Variants in DNMT3B observed in about 807,000 individuals in gnomAD.
DNMT3B encodes DNA methyltransferase 3 beta.
In DNMT3B, 37 loss-of-function variants were observed where a neutral mutation model predicts 120.2. That is an observed-to-expected ratio of 0.31 (90% CI 0.24 to 0.40). The LOEUF is 0.40. DNMT3B is among the 10% of genes least tolerant of loss of function. The probability of loss-of-function intolerance (pLI) is 1.00; values close to 1 mark genes in which losing one functional copy is unlikely to be tolerated. For missense variants in DNMT3B, 878 were observed against 1,137.3 expected, an observed-to-expected ratio of 0.77 and a Z score of 3.28; for synonymous variants, 412 against 442.8, an observed-to-expected ratio of 0.93 and a Z score of 0.87.
intron 8 of DNMT3B, among the ~76,000 whole-genome samples, chr20:32,792,059 A>G (rs1980032384): frequency 1.3e-5 from 2 of 152,254 alleles, no homozygotes; most frequent in Non-Finnish European, 2.9e-5. Flanking sequence ...GCTGTCTTCT[A>G]TCTGTGGGCC....
chr20:32,785,917 T>C (rs372007209), intron 4 of DNMT3B, among the ~76,000 whole-genome samples: 1 of 152,062 alleles, frequency 6.6e-6, no homozygotes, highest in African/African-American at 2.4e-5. Flanking sequence ...GCAGTCTCAC[T>C]GTGTTGCCCA....
chr20:32,796,574 C>T (rs1182285242), intron 12 of DNMT3B, among the ~76,000 whole-genome samples: 1 of 152,180 alleles, frequency 6.6e-6, no homozygotes, highest in Non-Finnish European at 1.5e-5. Flanking sequence ...ACTGGGGCAG[C>T]CCCTTGCCCA....
intron 18 of DNMT3B, 45 bp downstream of exon 18, chr20:32,800,970 C>T (rs1456875512): frequency 6.2e-7 from 1 of 1,607,180 alleles, no homozygotes; most frequent in Non-Finnish European, 8.5e-7. Context: ...CCTATGTCAC[C>T]TGACCACTGG....
intron 5 of DNMT3B, 106 bp downstream of exon 5, chr20:32,786,733 T>C (rs1431819310): frequency 2.6e-6 from 4 of 1,563,362 alleles, no homozygotes; most frequent in African/African-American, 1.3e-5. Flanking sequence ...GTGTCCTTTT[T>C]TCACACTGCT....
chr20:32,805,257 C>A, intron 20 of DNMT3B, 81 bp from the exon 21 acceptor site: 1 of 1,538,478 alleles, frequency 6.5e-7, no homozygotes, highest in Non-Finnish European at 9.0e-7. Flanking sequence ...ATCTCTGCAA[C>A]ATAGACCCTC....
chr20:32,776,615 G>A (rs1988084498), intron 1 of DNMT3B, among the ~76,000 whole-genome samples: 1 of 152,086 alleles, frequency 6.6e-6, no homozygotes, highest in Non-Finnish European at 1.5e-5. Flanking sequence ...CTCTGTCTTG[G>A]TTTCTCCATC....
intron 1 of DNMT3B, among the ~76,000 whole-genome samples, chr20:32,772,479 G>A (rs922879863): frequency 6.6e-5 from 10 of 152,196 alleles, no homozygotes. Context: ...CTTGGGAGGG[G>A]ACAGGGCTGT....
chr20:32,787,233 C>G lies in DNMT3B; in HGVS notation c.436C>G (p.Leu146Val). 1.2e-6 allele frequency: 2 copies of G among 1,614,266 alleles called. No individual in the cohort carries two copies. The highest frequency in any genetic ancestry group is 1.7e-6 in the Non-Finnish European group (2 of 1,180,054). ...CTATGTGTCCTTCTGTCCACAGTCC[C>G]TGAGACGGCGGGCAACAGCATCGGC... ...SPVEFPATRS[L>V]RRRATASAGT... The change falls in exon 6 of 23, where the codon CTG becomes GTG. Residue 146 changes from leucine to valine, a missense_variant. Transcript: ENST00000328111.
intron 1 of DNMT3B, among the ~76,000 whole-genome samples, chr20:32,771,421 G>A (rs759892032): frequency 6.6e-6 from 1 of 152,188 alleles, no homozygotes; most frequent in South Asian, 2.1e-4. Context: ...TGGGCGGATC[G>A]CCTGAGGTCA....
intron 9 of DNMT3B, 77 bp from the exon 10 acceptor site, chr20:32,793,459 C>G (rs983107833): frequency 6.6e-7 from 1 of 1,519,670 alleles, no homozygotes; most frequent in African/African-American, 1.4e-5. Flanking sequence ...CAGAGCAAGA[C>G]CTTGTCTCAA....
intron 18 of DNMT3B, 67 bp from the exon 19 acceptor site, chr20:32,801,211 A>C: frequency 6.2e-7 from 1 of 1,611,400 alleles, no homozygotes; most frequent in Non-Finnish European, 8.5e-7. Flanking sequence ...TGCTGGTCTC[A>C]GGGAATAAGG....
intron 13 of DNMT3B, 90 bp from the exon 14 acceptor site, chr20:32,797,097 C>T: frequency 6.2e-7 from 1 of 1,605,296 alleles, no homozygotes; most frequent in Non-Finnish European, 8.5e-7. Context: ...GTGTGTTCTG[C>T]AGCTGTATCC....
intron 16 of DNMT3B, 39 bp downstream of exon 16, chr20:32,799,367 C>G (rs1455933518): frequency 6.3e-7 from 1 of 1,595,556 alleles, no homozygotes; most frequent in Non-Finnish European, 8.6e-7. Context: ...GCTATCGTGT[C>G]ACAACAGGGT....
intron 1 of DNMT3B, among the ~76,000 whole-genome samples, chr20:32,768,197 T>G (rs1987501060): frequency 6.6e-6 from 1 of 151,180 alleles, no homozygotes; most frequent in Admixed American, 6.6e-5. Context: ...TTTTAATTTT[T>G]TTTTTTTTTT....
At chr20:32,805,199 A>G (rs1601138729) in intron 20 of DNMT3B, 139 bp from the exon 21 acceptor site, 4 of 1,111,336 alleles carry the variant, frequency 3.6e-6, no homozygotes, top group Non-Finnish European at 5.4e-6. Context: ...TGCTCATGCC[A>G]GGATCATTTT....
chr20:32,787,409 G>A lies in DNMT3B; in HGVS notation c.612G>A (p.Gln204=). 2 of 1,614,236 alleles carry A rather than the reference G, an allele frequency of 1.2e-6. No individual in the cohort carries two copies. The highest frequency in any genetic ancestry group is 1.7e-6 in the Non-Finnish European group (2 of 1,180,046). The change falls in exon 6 of 23, where the codon CAG becomes CAA. Residue 204 remains glutamine (Q), a synonymous_variant. Coordinates refer to ENST00000328111, the MANE Select transcript of DNMT3B (RefSeq NM_006892.4). ...AGCAGGGGGGCATGGAGTCCCCGCA[G>A]GTGGAGGCAGACAGTGGAGATGGAG... is the stretch of plus-strand genomic sequence containing the variant. ...DSQQGGMESP[Q]VEADSGDGDS... is the part of the protein sequence containing the mutation.
intron 10 of DNMT3B, 94 bp from the exon 11 acceptor site, chr20:32,795,315 C>G: frequency 1.3e-6 from 2 of 1,595,952 alleles, no homozygotes; most frequent in Non-Finnish European, 1.7e-6. Flanking sequence ...CCAATTGCAG[C>G]TGGTACCCAG....
chr20:32,802,607 G>A (rs1269523525), intron 20 of DNMT3B, 137 bp downstream of exon 20: 6 of 880,700 alleles, frequency 6.8e-6, no homozygotes, highest in Middle Eastern at 2.4e-4. Flanking sequence ...ACCTGTGGTC[G>A]TGCGGGTTGA....
chr20:32,806,841 T>C (rs775259411), intron 22 of DNMT3B, among the ~76,000 whole-genome samples: 1 of 152,248 alleles, frequency 6.6e-6, no homozygotes, highest in Non-Finnish European at 1.5e-5. Flanking sequence ...CTTATACTAT[T>C]TTTTAAAAAT....
Sources: allele counts gnomAD v4.1 joint callset (sites outside exome capture counted in the v4.1 genomes callset), GRCh38; gene constraint gnomAD v4.1.1; transcripts MANE v1.5; gene names NCBI Gene and HGNC (gene_info 2026-07-23, HGNC 2026-07-21).